Variants in COL5A1 observed in about 807,000 individuals in gnomAD.
COL5A1 encodes collagen type V alpha 1 chain, also known as collagen alpha-1(V) chain.
A neutral mutation model predicts 263.7 loss-of-function variants in COL5A1; 16 were observed. That is an observed-to-expected ratio of 0.06 (90% confidence interval 0.04 to 0.09). The LOEUF (loss-of-function observed/expected upper bound fraction) is 0.09, where lower values mean the gene tolerates loss of function less well. Among genes scored for constraint, COL5A1 ranks in the 10% least tolerant of loss-of-function variants. The pLI is 1.00. For synonymous variants in COL5A1, 1,012 were observed against 1,004.5 expected (o/e 1.01, Z -0.14); for missense variants, 2,036 against 2,540.5 (o/e 0.80, Z 4.27).
chr9:134,697,912 C>T (rs1048132697), intron 2 of COL5A1, among the ~76,000 whole-genome samples: 2 of 152,052 alleles, frequency 1.3e-5, no homozygotes, highest in East Asian at 1.9e-4. Context: ...GGTGAAACCC[C>T]GTCTCTACCA....
chr9:134,824,602 C>G lies in COL5A1; in HGVS notation c.4701C>G (p.Gly1567=). Residue 1567 remains glycine, a splice_region_variant and synonymous_variant, in exon 62 of 66, where the codon GGC becomes GGG. Transcript: ENST00000371817. ...GCTGCTCCTGTTCTGTCCCCCAGGGCCCCCCGGGAGAGGTCATCCAGCCCC... is the reference window on the plus strand; with the variant it reads ...GCTGCTCCTGTTCTGTCCCCCAGGGGCCCCCGGGAGAGGTCATCCAGCCCC... ...AGHPGPPGPP[G]PPGEVIQPLP... is the part of the protein sequence containing the mutation. 6.2e-7 allele frequency: 1 copy of G among 1,613,640 alleles called. No individual in the cohort carries two copies. Among genetic ancestry groups the G allele is most frequent in the African/African-American group, 1.3e-5 (1 of 75,042 alleles).
intron 4 of COL5A1, among the ~76,000 whole-genome samples, chr9:134,701,536 G>A (rs569112349): frequency 3.9e-5 from 6 of 152,226 alleles, no homozygotes; most frequent in Non-Finnish European, 5.9e-5. Flanking sequence ...AGCTGCTGCC[G>A]CCTGTAGGCC....
Position 134,686,819 on chromosome 9 carries a change from C to T in COL5A1, c.110-4093C>T, listed in dbSNP as rs1833095829. Among the ~76,000 whole-genome samples the T allele has an allele frequency of 6.6e-6, 1 of 152,134 alleles. No homozygotes were observed. The highest frequency in any genetic ancestry group is 1.5e-5 in the Non-Finnish European group (1 of 68,036). On this transcript the variant is annotated intron_variant, in intron 1 of 65. Transcript: ENST00000371817. The surrounding 1 kb of genome is among the most constrained non-coding windows in gnomAD (Gnocchi z 4.6). ...CTGACCCCTAGGTGCTGGGGGTAAA[C>T]ACTTCTTGTAGTTTAAAGATTCTGA...
chr9:134,642,155 G>T lies in COL5A1; in HGVS notation c.-33G>T, dbSNP rs1057523091. 4.0e-6 allele frequency: 5 copies of T among 1,238,776 alleles called. No individual in the cohort carries two copies. The highest frequency in any genetic ancestry group is 5.0e-6 in the Non-Finnish European group (5 of 995,572). The allele number at this position is 1,238,776 out of a possible 1,614,324, so 76.7% of individuals were successfully genotyped here. On this transcript the variant is annotated 5_prime_UTR_variant, in exon 1 of 66. Transcript: ENST00000371817. The surrounding 1 kb of genome is among the most constrained non-coding windows in gnomAD (Gnocchi z 4.5). The stretch of plus-strand genomic sequence containing the variant: ...TGTGCGTCCCCGCGCGCCTCCGAGC[G>T]CCCCTGTGCGCCCCGGCCCGCGCCC...
At position 134,761,909 on chromosome 9, in the gene COL5A1, C is replaced by G. The variant is rs199694949; in HGVS notation, c.1936-16C>G. The G allele has an allele frequency of 5.1e-5, 82 of 1,613,090 alleles. No homozygotes were observed. The highest frequency in any genetic ancestry group is 3.3e-4 in the Middle Eastern group (2 of 6,084). On this transcript the variant is annotated splice_polypyrimidine_tract_variant and intron_variant, in intron 18 of 65. Coordinates refer to ENST00000371817, the MANE Select transcript of COL5A1 (RefSeq NM_000093.5). The stretch of plus-strand genomic sequence containing the variant: ...CCTGCTCAGGAGAGGCTGACGTTGA[C>G]CCTTTCACTTCCTAGGGTGACCCTG...
chr9:134,710,018 C>T (rs911891288), intron 4 of COL5A1, among the ~76,000 whole-genome samples: 94 of 152,276 alleles, frequency 6.2e-4, no homozygotes, highest in African/African-American at 1.9e-3. Flanking sequence ...AGGGGGCCCA[C>T]GAACGTGATG....
Position 134,652,724 on chromosome 9 carries a change from G to A in COL5A1, c.109+10428G>A, listed in dbSNP as rs1831736368. On this transcript the variant is annotated intron_variant, in intron 1 of 65. Transcript: ENST00000371817. This position sits in a 1 kb window ranked among gnomAD's most constrained non-coding sequence, Gnocchi z 4.4. ...TGGCCTCACCCCATGGTCTTCTCAT[G>A]GCTCATTGTCAGACAGGAGGGAGGG... is the stretch of plus-strand genomic sequence containing the variant. 1 of 470,782 alleles carries A rather than the reference G, an allele frequency of 2.1e-6. No homozygotes were observed. The highest frequency in any genetic ancestry group is 2.0e-5 in the African/African-American group (1 of 50,070). 29.2% of individuals were successfully genotyped at this position (470,782 alleles called of 1,614,324 possible). A position where few individuals can be genotyped will look rare whatever the true frequency, so the allele number is the denominator to read the frequency against.
At chr9:134,801,506 T>C (rs74942446) in intron 37 of COL5A1, among the ~76,000 whole-genome samples, 5,409 of 152,308 alleles carry the variant, frequency 0.036, 116 homozygotes, top group South Asian at 0.071. Flanking sequence ...GTGAAATTAG[T>C]GCAAACGCAC....
At chr9:134,816,904 G>T (rs1441652887) in intron 52 of COL5A1, 122 bp from the exon 53 acceptor site, 3 of 894,560 alleles carry the variant, frequency 3.4e-6, no homozygotes, top group Non-Finnish European at 5.6e-6. Context: ...AGCCCCAAAA[G>T]AAGAGAGAGG....
At chr9:134,796,503 G>C in intron 35 of COL5A1, 85 bp downstream of exon 35, 1 of 1,388,074 alleles carries the variant, frequency 7.2e-7, no homozygotes, top group East Asian at 2.3e-5. Context: ...GGTGGGCTGG[G>C]GCCAGGGAGG....
intron 53 of COL5A1, 27 bp from the exon 54 acceptor site, chr9:134,817,751 C>T (rs1235239112): frequency 6.2e-7 from 1 of 1,608,448 alleles, no homozygotes; most frequent in Non-Finnish European, 8.5e-7. Flanking sequence ...CCACACTCAC[C>T]ACCTGCTGTT....
In COL5A1 at chr9:134,673,234, C is replaced by T. The variant is rs370052795; in HGVS notation, c.110-17678C>T. Among the ~76,000 whole-genome samples the T allele has an allele frequency of 2.0e-3, 306 of 152,186 alleles. 1 individual carries two copies. Among genetic ancestry groups the T allele is most frequent in the African/African-American group, 7.0e-3 (289 of 41,526 alleles). ...AAACAATTTTGAAAAAGAAGAACAT[C>T]GGAGGGCTTATGCTTTGTGATTTTG... On this transcript the variant is annotated intron_variant, in intron 1 of 65. Transcript: ENST00000371817.
In COL5A1 at chr9:134,753,843, T is replaced by C. The variant is rs1246059271; in HGVS notation, c.1720-7T>C. 1 of 1,567,916 alleles carries C rather than the reference T, an allele frequency of 6.4e-7. No homozygotes were observed. The highest frequency in any genetic ancestry group is 1.1e-5 in the South Asian group (1 of 90,148). ...AGCAGACATTAACACACACCATGTC[T>C]CCCTAGGGTCCCCCTGGGAGCGGAG... On this transcript the variant is annotated splice_polypyrimidine_tract_variant and splice_region_variant and intron_variant, in intron 14 of 65. Coordinates refer to ENST00000371817, the MANE Select transcript of COL5A1 (RefSeq NM_000093.5).
chr9:134,815,759 C>A, intron 51 of COL5A1, 130 bp downstream of exon 51: 1 of 1,246,254 alleles, frequency 8.0e-7, no homozygotes, highest in Non-Finnish European at 1.2e-6. Context: ...TCCCAAAAGG[C>A]ACTCGTGTTC....
chr9:134,734,524 C>T (rs188158525), intron 9 of COL5A1, among the ~76,000 whole-genome samples: 8 of 152,370 alleles, frequency 5.3e-5, no homozygotes, highest in Admixed American at 1.3e-4. Flanking sequence ...GCCCTGCGGG[C>T]GTCCCGGCCT....
rs1344980339 is a variant in COL5A1, at chr9:134,789,588, T to G, written c.2700+380T>G. 1.3e-5 allele frequency among the ~76,000 whole-genome samples: 2 copies of G among 152,254 alleles called. No individual in the cohort carries two copies. The highest frequency in any genetic ancestry group is 2.4e-5 in the African/African-American group (1 of 41,474). ...GGGAAAAAGGAGATTGTTTTTTCCC[T>G]TCAAAAATGTCCTGCTACTTAACCG... On this transcript the variant is annotated intron_variant, in intron 32 of 65. Transcript: ENST00000371817. This position sits in a 1 kb window ranked among gnomAD's most constrained non-coding sequence, Gnocchi z 4.8.
At chr9:134,780,251 G>A in intron 28 of COL5A1, 105 bp downstream of exon 28, 1 of 1,112,500 alleles carries the variant, frequency 9.0e-7, no homozygotes, top group Non-Finnish European at 1.4e-6. Context: ...AGCTGAGGTG[G>A]ATGTCGCCTC....
At chr9:134,787,073 T>C (rs1217494669) in intron 31 of COL5A1, among the ~76,000 whole-genome samples, 1 of 152,178 alleles carries the variant, frequency 6.6e-6, no homozygotes, top group Non-Finnish European at 1.5e-5. Flanking sequence ...CAGTGGCTCG[T>C]TGAACGTGGG....
chr9:134,762,155 G>A (rs1387979172), intron 19 of COL5A1, among the ~76,000 whole-genome samples, 177 bp downstream of exon 19: 1 of 152,230 alleles, frequency 6.6e-6, no homozygotes, highest in African/African-American at 2.4e-5. Context: ...GATGCCAAGA[G>A]GCTGCGGGGC....
Sources: gnomAD v4.1 joint callset for allele counts (sites outside exome capture counted in the v4.1 genomes callset) on GRCh38, gnomAD v4.1.1 for gene constraint, Gnocchi (gnomAD v3.1) non-coding constraint, MANE v1.5 for transcripts, NCBI Gene and HGNC (gene_info 2026-07-23, HGNC 2026-07-21) for gene names.